Variants in ZNF423 observed in about 807,000 individuals in gnomAD.
The protein encoded by ZNF423 is zinc finger protein 423.
In ZNF423, 12 loss-of-function variants were observed where a neutral mutation model predicts 95.8. The observed-to-expected ratio is 0.13, with a 90% CI of 0.08 to 0.20. ZNF423 has a LOEUF of 0.20. Among genes scored for constraint, ZNF423 ranks in the 10% least tolerant of loss-of-function variants. The pLI is 1.00. For missense variants in ZNF423, 1,316 were observed against 1,737.1 expected (o/e 0.76, Z 4.31); for synonymous variants, 749 against 711.9 (o/e 1.05, Z -0.83).
intron 5 of ZNF423, among the ~76,000 whole-genome samples, chr16:49,535,780 A>C (rs887179165): frequency 6.6e-6 from 1 of 152,232 alleles, no homozygotes; most frequent in East Asian, 1.9e-4. Context: ...ACTAGGTAAA[A>C]GCAAGTAGCT....
intron 1 of ZNF423, among the ~76,000 whole-genome samples, chr16:49,824,656 G>C (rs537067955): frequency 6.6e-6 from 1 of 152,170 alleles, no homozygotes; most frequent in Non-Finnish European, 1.5e-5. Flanking sequence ...AAACTTGGGC[G>C]AGTCACTTCC....
chr16:49,789,499 C>T lies in ZNF423; in HGVS notation c.88G>A (p.Val30Met), dbSNP rs778893500. 2.3e-5 allele frequency: 37 copies of T among 1,612,454 alleles called. No individual in the cohort carries two copies. Among genetic ancestry groups the T allele is most frequent in the Non-Finnish European group, 2.8e-5 (33 of 1,179,582 alleles). Residue 30 changes from valine (V) to methionine (M), a missense_variant, in exon 2 of 8, where the codon GTG (valine) becomes ATG (methionine). Val to Met is a conservative substitution (Grantham distance 21, BLOSUM62 1). This residue lies in a region of ZNF423 where 155 missense variants were observed against 170.8 expected (regional missense o/e 0.91). Coordinates refer to ENST00000563137, the MANE Select transcript of ZNF423 (RefSeq NM_001379286.1). ...SDFSLAWDSS[V>M]TAAGGLEGEP... Reference sequence around the variant, plus strand: ...CCCGGGCATTTACCTGCTGCTGTCACGGAGGAATCCCAGGCCAGCGAGAAG... The same window carrying T: ...CCCGGGCATTTACCTGCTGCTGTCATGGAGGAATCCCAGGCCAGCGAGAAG...
intron 3 of ZNF423, among the ~76,000 whole-genome samples, chr16:49,723,198 G>A (rs552643336): frequency 9.9e-5 from 15 of 152,098 alleles, no homozygotes; most frequent in African/African-American, 2.2e-4. Context: ...CTCGTGATCC[G>A]CCTGCCTCGG....
At chr16:49,663,327 A>T (rs1436026650) in intron 3 of ZNF423, among the ~76,000 whole-genome samples, 1 of 152,192 alleles carries the variant, frequency 6.6e-6, no homozygotes, top group Non-Finnish European at 1.5e-5. Context: ...GAAACTCACC[A>T]GCCTCTTCCT....
At chr16:49,682,340 A>C (rs574106051) in intron 3 of ZNF423, among the ~76,000 whole-genome samples, 1 of 152,206 alleles carries the variant, frequency 6.6e-6, no homozygotes, top group Admixed American at 6.5e-5. Flanking sequence ...GCTTGCTGTG[A>C]GTGCCAGGGC....
intron 3 of ZNF423, among the ~76,000 whole-genome samples, chr16:49,668,064 A>G (rs1294048374): frequency 1.3e-5 from 2 of 152,256 alleles, no homozygotes; most frequent in African/African-American, 4.8e-5. Context: ...TTTCTTTAGC[A>G]GGACTCCAGC....
At chr16:49,820,136 A>G (rs1448962534) in intron 1 of ZNF423, among the ~76,000 whole-genome samples, 1 of 152,122 alleles carries the variant, frequency 6.6e-6, no homozygotes, top group African/African-American at 2.4e-5. Flanking sequence ...ACGGACGGAC[A>G]GACAGATGAA....
At chr16:49,519,424 C>T (rs926807480) in intron 7 of ZNF423, among the ~76,000 whole-genome samples, 2 of 152,316 alleles carry the variant, frequency 1.3e-5, no homozygotes, top group South Asian at 2.1e-4. Flanking sequence ...GTTCCTATCC[C>T]GCCCTCACCA....
intron 2 of ZNF423, among the ~76,000 whole-genome samples, chr16:49,766,189 G>C (rs1470218766): frequency 6.6e-6 from 1 of 152,162 alleles, no homozygotes; most frequent in African/African-American, 2.4e-5. Context: ...CAAAGCAGAA[G>C]TCAGGATATT....
At position 49,513,672 on chromosome 16, in the gene ZNF423, T is replaced by TGGAC. The variant is rs577147029; in HGVS notation, c.3849+9948_3849+9951dup. Among the ~76,000 whole-genome samples the TGGAC allele has an allele frequency of 2.3e-4, 13 of 55,820 alleles. No homozygotes were observed. In the South Asian group the frequency reaches 2.8e-3, roughly 12 times the overall value. The allele number at this position is 55,820 out of a possible 152,430, so 36.6% of individuals were successfully genotyped here. ...ATGGATGGATGGATGGATGGATGGA[T>TGGAC]GGACGGACGGATGGCAAAGGGTGTC... On this transcript the variant is annotated intron_variant, in intron 7 of 7. Coordinates refer to ENST00000563137, the MANE Select transcript of ZNF423 (RefSeq NM_001379286.1).
At chr16:49,783,606 C>T (rs1273675137) in intron 2 of ZNF423, among the ~76,000 whole-genome samples, 3 of 84,142 alleles carry the variant, frequency 3.6e-5, no homozygotes, top group Non-Finnish European at 6.9e-5. Flanking sequence ...AGGTTTCGTA[C>T]AAGGCTGGGA....
intron 7 of ZNF423, among the ~76,000 whole-genome samples, chr16:49,506,126 G>A (rs149128490): frequency 0.018 from 2,785 of 152,312 alleles, 50 homozygotes; most frequent in Non-Finnish European, 0.024. Flanking sequence ...TAAGAGTGAA[G>A]TGTGAAATTA....
intron 7 of ZNF423, 52 bp downstream of exon 7, chr16:49,523,572 G>A (rs938950041): frequency 7.1e-5 from 108 of 1,512,716 alleles, no homozygotes; most frequent in Admixed American, 4.7e-4. Context: ...CGGTGCTGAC[G>A]GGGGAACCGA....
chr16:49,513,013 T>G (rs1210668542), intron 7 of ZNF423, among the ~76,000 whole-genome samples: 1 of 152,134 alleles, frequency 6.6e-6, no homozygotes, highest in Non-Finnish European at 1.5e-5. Flanking sequence ...GGAGAATCAC[T>G]TGAACCCGGG....
At chr16:49,523,884 C>T in intron 6 of ZNF423, 145 bp from the exon 7 acceptor site, 1 of 665,120 alleles carries the variant, frequency 1.5e-6, no homozygotes, top group Non-Finnish European at 2.7e-6. Flanking sequence ...GTGTTCTTAG[C>T]ACATACTAGA....
rs559587580 is a variant in ZNF423 at position 49,552,737 on chromosome 16, C to CA, written c.3602-27244dup. On this transcript the variant is annotated intron_variant, in intron 5 of 7. Coordinates refer to ENST00000563137, the MANE Select transcript of ZNF423 (RefSeq NM_001379286.1). The stretch of plus-strand genomic sequence containing the variant: ...CGTGTCATTCAGGAAGGGCAAGAAG[C>CA]AAAAGGCAAAAACCTCACACAGGGT... Among the ~76,000 whole-genome samples the CA allele has an allele frequency of 1.8e-3, 280 of 152,128 alleles. 1 individual carries two copies. Among genetic ancestry groups the CA allele is most frequent in the Non-Finnish European group, 4.4e-4 (30 of 67,996 alleles).
intron 3 of ZNF423, among the ~76,000 whole-genome samples, chr16:49,639,868 G>A (rs747357402): frequency 3.3e-4 from 50 of 152,320 alleles, no homozygotes; most frequent in Non-Finnish European, 6.2e-4. Flanking sequence ...AGGGTAGGCC[G>A]TTTCTGGGAA....
At chr16:49,639,953 C>A (rs912978953) in intron 3 of ZNF423, among the ~76,000 whole-genome samples, 3 of 152,224 alleles carry the variant, frequency 2.0e-5, no homozygotes, top group Non-Finnish European at 4.4e-5. Flanking sequence ...CCAGCCCGGG[C>A]AGGGAGTGAG....
At chr16:49,688,168 G>A (rs1251252503) in intron 3 of ZNF423, among the ~76,000 whole-genome samples, 4 of 151,180 alleles carry the variant, frequency 2.6e-5, no homozygotes, top group South Asian at 2.1e-4. Context: ...CCTGAGGCCC[G>A]GCTGTTTGAG....
Sources: allele counts gnomAD v4.1 joint callset (sites outside exome capture counted in the v4.1 genomes callset), GRCh38; gene constraint gnomAD v4.1.1; regional missense constraint gnomAD v4.1.1; transcripts MANE v1.5; gene names NCBI Gene and HGNC (gene_info 2026-07-23, HGNC 2026-07-21).